Variants in SLC25A17 observed in about 807,000 individuals in gnomAD.
The protein encoded by SLC25A17 is solute carrier family 25 member 17.
Under a neutral mutation model 38.5 loss-of-function variants are expected in SLC25A17, and 26 were observed. The observed-to-expected ratio is 0.68, with a 90% CI of 0.50 to 0.94. The LOEUF (loss-of-function observed/expected upper bound fraction) is 0.94. SLC25A17 is among the 40% of genes least tolerant of loss of function. SLC25A17 has a pLI of 0.00. For missense variants in SLC25A17, 333 were observed against 372.7 expected (o/e 0.89, Z 0.88); for synonymous variants, 139 against 136.2 (o/e 1.02, Z -0.14).
rs541588252 is a variant in SLC25A17, at chr22:40,786,206, G to A, written c.334+6319C>T. 2.0e-5 allele frequency among the ~76,000 whole-genome samples: 3 copies of A among 152,190 alleles called. No individual in the cohort carries two copies. In the East Asian group the frequency reaches 5.8e-4, roughly 29 times the overall value. ...TGTGCTTGTAATCCCAGCTACTAGA[G>A]AGGCTGAGGCAGGAGAATCGCTTGA... On this transcript the variant is annotated intron_variant, in intron 4 of 8. Transcript: ENST00000435456.
chr22:40,793,960 A>G (rs1230107500), intron 3 of SLC25A17, among the ~76,000 whole-genome samples: 1 of 152,184 alleles, frequency 6.6e-6, no homozygotes, highest in Non-Finnish European at 1.5e-5. Flanking sequence ...TTACTCTCAA[A>G]TAATTCAGAG....
intron 1 of SLC25A17, among the ~76,000 whole-genome samples, chr22:40,818,375 T>C (rs2145719733): frequency 6.6e-6 from 1 of 152,128 alleles, no homozygotes; most frequent in Admixed American, 6.5e-5. Context: ...GTATACCTCA[T>C]AACAAACCAC....
At chr22:40,771,049 C>A in intron 8 of SLC25A17, 68 bp from the exon 9 acceptor site, 1 of 1,331,474 alleles carries the variant, frequency 7.5e-7, no homozygotes, top group Non-Finnish European at 1.0e-6. Context: ...ACCTAGATAG[C>A]TACTTTGATA....
At chr22:40,802,495 C>G (rs1013470447) in intron 1 of SLC25A17, among the ~76,000 whole-genome samples, 2 of 152,034 alleles carry the variant, frequency 1.3e-5, no homozygotes, top group Admixed American at 1.3e-4. Flanking sequence ...AAATACAAAA[C>G]TTAGCCAGGC....
intron 2 of SLC25A17, among the ~76,000 whole-genome samples, chr22:40,795,977 C>T (rs1175256068): frequency 6.6e-6 from 1 of 151,744 alleles, no homozygotes. Context: ...TTAGTAGAGA[C>T]AGGGTTTTAC....
intron 1 of SLC25A17, among the ~76,000 whole-genome samples, chr22:40,799,295 T>A (rs890035716): frequency 6.6e-6 from 1 of 152,060 alleles, no homozygotes; most frequent in Non-Finnish European, 1.5e-5. Context: ...ATCACCATGT[T>A]TGGCTAATTT....
Position 40,809,818 on chromosome 22 carries a change from T to C in SLC25A17, c.54+9377A>G, listed in dbSNP as rs17002183. Reference sequence around the variant, plus strand: ...CATTAACTACAAAAAAAATACATTATTAACAAACTTCATTATTATATACTA... The same window carrying C: ...CATTAACTACAAAAAAAATACATTACTAACAAACTTCATTATTATATACTA... On this transcript the variant is annotated intron_variant, in intron 1 of 8. Coordinates refer to ENST00000435456, the MANE Select transcript of SLC25A17 (RefSeq NM_006358.4). Among the ~76,000 whole-genome samples the C allele has an allele frequency of 5.5e-3, 836 of 152,254 alleles. 8 individuals are homozygous for C. The highest frequency in any genetic ancestry group is 0.019 in the East Asian group (100 of 5,190).
intron 1 of SLC25A17, among the ~76,000 whole-genome samples, chr22:40,809,569 C>T (rs983681569): frequency 6.6e-6 from 1 of 151,798 alleles, no homozygotes; most frequent in Non-Finnish European, 1.5e-5. Flanking sequence ...GCTGTTGGGG[C>T]TACAGTAAGC....
chr22:40,816,046 C>T (rs1029074046), intron 1 of SLC25A17, among the ~76,000 whole-genome samples: 1 of 151,840 alleles, frequency 6.6e-6, no homozygotes, highest in East Asian at 1.9e-4. Context: ...ATTAGCCAGG[C>T]GTGGTGGCAC....
chr22:40,791,629 CAT>C (rs1168445670), intron 4 of SLC25A17, among the ~76,000 whole-genome samples: 1 of 152,128 alleles, frequency 6.6e-6, no homozygotes, highest in Non-Finnish European at 1.5e-5. Context: ...GGCCAACAAA[CAT>C]ATGAAAAGTG....
chr22:40,794,704 C>T (rs531286346), intron 2 of SLC25A17, 124 bp from the exon 3 acceptor site: 13 of 428,342 alleles, frequency 3.0e-5, no homozygotes, highest in African/African-American at 2.0e-4. Flanking sequence ...ACTGCAACCT[C>T]CACCTCCTGG....
chr22:40,808,491 CAT>C (rs1348819819), intron 1 of SLC25A17, among the ~76,000 whole-genome samples: 4 of 152,234 alleles, frequency 2.6e-5, no homozygotes, highest in African/African-American at 4.8e-5. Flanking sequence ...TGAAGACACA[CAT>C]GACGTTGAAA....
At chr22:40,793,773 C>T (rs544614228) in intron 3 of SLC25A17, among the ~76,000 whole-genome samples, 7 of 152,154 alleles carry the variant, frequency 4.6e-5, no homozygotes, top group East Asian at 1.9e-4. Context: ...CTACCACGCC[C>T]GGCTAATTTT....
rs535059078 is a variant in SLC25A17, at chr22:40,788,229, T to C, written c.334+4296A>G. On this transcript the variant is annotated intron_variant, in intron 4 of 8. Coordinates refer to ENST00000435456, the MANE Select transcript of SLC25A17 (RefSeq NM_006358.4). Reference sequence around the variant, plus strand: ...TCCTAGTGGTACATCTTAATCAATATATATTTTTTAAATCTTGATTTTTAA... The same window carrying C: ...TCCTAGTGGTACATCTTAATCAATACATATTTTTTAAATCTTGATTTTTAA... Among the ~76,000 whole-genome samples, 5 of 152,364 alleles carry C rather than the reference T, an allele frequency of 3.3e-5. No homozygotes were observed. In the East Asian group the frequency reaches 7.7e-4, roughly 23 times the overall value.
At chr22:40,797,059 A>T (rs998044317) in intron 2 of SLC25A17, among the ~76,000 whole-genome samples, 1 of 152,234 alleles carries the variant, frequency 6.6e-6, no homozygotes, top group Non-Finnish European at 1.5e-5. Context: ...TCCATAAAGA[A>T]AGTCTGCAAG....
intron 2 of SLC25A17, among the ~76,000 whole-genome samples, chr22:40,798,461 C>T (rs1321220778): frequency 6.6e-6 from 1 of 151,972 alleles, no homozygotes; most frequent in Admixed American, 6.6e-5. Flanking sequence ...TAATCTGGAG[C>T]AGGAAGTCAA....
chr22:40,808,983 T>G (rs1915079751), intron 1 of SLC25A17, among the ~76,000 whole-genome samples: 1 of 152,228 alleles, frequency 6.6e-6, no homozygotes, highest in South Asian at 2.1e-4. Context: ...CCAGCTATCT[T>G]CTATCAAGTC....
rs112393113 is a variant in SLC25A17, at chr22:40,793,503, A to G, written c.183-827T>C. ...CAGACAATATGTGAGTCAAGATGTGATATCTTGAGAAGGACACAATATCAC... is the reference window on the plus strand; with the variant it reads ...CAGACAATATGTGAGTCAAGATGTGGTATCTTGAGAAGGACACAATATCAC... On this transcript the variant is annotated intron_variant, in intron 3 of 8. Transcript: ENST00000435456. Among the ~76,000 whole-genome samples the G allele has an allele frequency of 6.9e-3, 1,046 of 152,318 alleles. 11 individuals are homozygous for G. Among genetic ancestry groups the G allele is most frequent in the East Asian group, 0.022 (114 of 5,188 alleles).
At chr22:40,802,577 G>A (rs982042161) in intron 1 of SLC25A17, among the ~76,000 whole-genome samples, 7 of 152,090 alleles carry the variant, frequency 4.6e-5, no homozygotes, top group South Asian at 2.1e-4. Flanking sequence ...CCCGGGAGGC[G>A]GAGGTTGCAG....
Sources: gnomAD v4.1 joint callset for allele counts (sites outside exome capture counted in the v4.1 genomes callset) on GRCh38, gnomAD v4.1.1 for gene constraint, MANE v1.5 for transcripts, NCBI Gene and HGNC (gene_info 2026-07-23, HGNC 2026-07-21) for gene names.